LAMA4: variants seen among roughly 807,000 people sequenced by gnomAD.
LAMA4 encodes laminin subunit alpha 4.
LAMA4 carries 127 observed loss-of-function variants against 207.1 expected under a neutral mutation model. The ratio of observed to expected loss-of-function variants is 0.61; its 90% CI spans 0.53 to 0.71. LAMA4 has a LOEUF of 0.71. Among genes scored for constraint, LAMA4 ranks in the 30% least tolerant of loss-of-function variants. The probability of loss-of-function intolerance (pLI) is 0.00; values close to 1 mark genes in which losing one functional copy is unlikely to be tolerated. For missense variants in LAMA4, 2,093 were observed against 2,246.5 expected, an observed-to-expected ratio of 0.93 and a Z score of 1.38; for synonymous variants, 761 against 816.0, an observed-to-expected ratio of 0.93 and a Z score of 1.15.
At chr6:112,192,804 G>A (rs557579675) in intron 5 of LAMA4, among the ~76,000 whole-genome samples, 108 of 152,354 alleles carry the variant, frequency 7.1e-4, no homozygotes, top group African/African-American at 2.5e-3. Flanking sequence ...CAGAGGCCCT[G>A]CTGTGAGTGG....
At chr6:112,231,561 G>C (rs1785563103) in intron 2 of LAMA4, among the ~76,000 whole-genome samples, 1 of 152,162 alleles carries the variant, frequency 6.6e-6, no homozygotes, top group South Asian at 2.1e-4. Context: ...AACCTCAATA[G>C]AAGCCAGTCG....
At chr6:112,122,685 A>T (rs1778434127) in intron 31 of LAMA4, among the ~76,000 whole-genome samples, 1 of 152,224 alleles carries the variant, frequency 6.6e-6, no homozygotes, top group Non-Finnish European at 1.5e-5. Flanking sequence ...TTTTGGTGAT[A>T]GGATATGTAG....
rs953681404 is a variant in LAMA4, at chr6:112,159,049, T to C, written c.1669-169A>G. On this transcript the variant is annotated intron_variant, in intron 13 of 38. Transcript: ENST00000230538. ...AAGTATATGTCTATTTATCCCGCAT[T>C]GCCAGCTCTTTCTTCTGTATTGATT... The C allele has an allele frequency of 8.3e-6, 5 of 601,058 alleles. No individual in the cohort carries two copies. The South Asian group carries it at 1.0e-4, about 12-fold the overall frequency. 37.2% of individuals were successfully genotyped at this position (601,058 alleles called of 1,614,324 possible).
In LAMA4 at chr6:112,122,020, C is replaced by A. The variant is rs1012454549; in HGVS notation, c.4469G>T (p.Gly1490Val). 4 of 1,613,834 alleles carry A rather than the reference C, an allele frequency of 2.5e-6. No homozygotes were observed. In the East Asian group the frequency reaches 8.9e-5, roughly 36 times the overall value. Residue 1490 changes from glycine to valine, a missense_variant, in exon 32 of 39, where the codon GGT (glycine) becomes GTT (valine). Gly to Val is a moderately radical substitution (Grantham distance 109, BLOSUM62 -3). This residue lies in a region of LAMA4 where 383 missense variants were observed against 437.8 expected (regional missense o/e 0.87). Transcript: ENST00000230538. ...GTATAGTGTGTTACTTTACTTGGCACCAAAATCTCCTTTTAAGTGTTCAAA... is the reference window on the plus strand; with the variant it reads ...GTATAGTGTGTTACTTTACTTGGCAACAAAATCTCCTTTTAAGTGTTCAAA... ...QEFEHLKGDF[G>V]AKSQFSIRLR...
intron 17 of LAMA4, 150 bp downstream of exon 17, chr6:112,150,361 T>C (rs1410884807): frequency 1.6e-5 from 12 of 738,068 alleles, no homozygotes; most frequent in Non-Finnish European, 3.0e-5. Flanking sequence ...TTCTAGAACT[T>C]TTTTTTGTGA....
intron 3 of LAMA4, among the ~76,000 whole-genome samples, chr6:112,207,669 A>G (rs1554354864): frequency 6.6e-6 from 1 of 152,182 alleles, no homozygotes; most frequent in African/African-American, 2.4e-5. Context: ...CATTCTGCTC[A>G]TGGGTTGGTA....
chr6:112,233,255 T>C (rs1445630997), intron 2 of LAMA4, among the ~76,000 whole-genome samples: 1 of 152,214 alleles, frequency 6.6e-6, no homozygotes, highest in Non-Finnish European at 1.5e-5. Flanking sequence ...CTGTTTTGGA[T>C]TTCAGTATTT....
intron 11 of LAMA4, among the ~76,000 whole-genome samples, chr6:112,174,839 T>C (rs1290943065): frequency 6.6e-6 from 1 of 152,254 alleles, no homozygotes; most frequent in African/African-American, 2.4e-5. Flanking sequence ...GATCAAGTGA[T>C]AGATTCAATA....
intron 3 of LAMA4, among the ~76,000 whole-genome samples, chr6:112,208,129 G>A (rs181835485): frequency 7.2e-5 from 11 of 152,254 alleles, no homozygotes; most frequent in Admixed American, 1.3e-4. Flanking sequence ...ATTCATCAGA[G>A]TGTATAAAGG....
At position 112,170,471 on chromosome 6, in the gene LAMA4, A is replaced by T. The variant is rs142998031; in HGVS notation, c.1551+2140T>A. On this transcript the variant is annotated intron_variant, in intron 12 of 38. Transcript: ENST00000230538. ...AATGCTCTTAATCTTCTTTGGGAGT[A>T]GAATAGTGTTATCCTGCAGGCTAGG... 1.1e-3 allele frequency among the ~76,000 whole-genome samples: 164 copies of T among 152,350 alleles called. 1 individual carries two copies. The highest frequency in any genetic ancestry group is 3.7e-3 in the African/African-American group (153 of 41,588).
intron 5 of LAMA4, chr6:112,200,286 C>T (rs1044624905): frequency 2.4e-6 from 1 of 421,664 alleles, no homozygotes; most frequent in South Asian, 1.8e-5. Context: ...AAAAAAAGCT[C>T]ATCATCACTG....
At chr6:112,154,207 T>G (rs1008773695) in intron 16 of LAMA4, among the ~76,000 whole-genome samples, 2 of 152,104 alleles carry the variant, frequency 1.3e-5, no homozygotes, top group African/African-American at 4.8e-5. Flanking sequence ...CAAAATTGTC[T>G]AATGCGATTT....
chr6:112,117,804 G>C lies in LAMA4; in HGVS notation c.4916C>G (p.Pro1639Arg). The C allele has an allele frequency of 6.2e-7, 1 of 1,613,840 alleles. No homozygotes were observed. The highest frequency in any genetic ancestry group is 8.5e-7 in the Non-Finnish European group (1 of 1,179,788). Reference protein sequence around the residue: ...TSASQTFSVTPCFEGPMETGT... With the variant: ...TSASQTFSVTRCFEGPMETGT... ...TGTTTCCATGGGGCCTTCAAAGCAA[G>C]GGGTCACACTGAATGTCTGAGAAGC... The change falls in exon 35 of 39, where the codon CCT (proline) becomes CGT (arginine). Residue 1639 changes from proline (P) to arginine (R), a missense_variant. Transcript: ENST00000230538. This position sits in a 1 kb window ranked among gnomAD's most constrained non-coding sequence, Gnocchi z 4.5.
In LAMA4 at chr6:112,155,463, T is replaced by G. The variant is rs1289080473; in HGVS notation, c.1959+102A>C. ...TAGTTCCCCTGCCTTTTCCACTCTTTCTGCCATTTGGATTTCACACTGGAA... is the reference window on the plus strand; with the variant it reads ...TAGTTCCCCTGCCTTTTCCACTCTTGCTGCCATTTGGATTTCACACTGGAA... On this transcript the variant is annotated intron_variant, in intron 15 of 38. Transcript: ENST00000230538. 3 of 1,327,710 alleles carry G rather than the reference T, an allele frequency of 2.3e-6. No individual in the cohort carries two copies. The African/African-American group carries it at 4.3e-5, about 19-fold the overall frequency. 82.2% of individuals were successfully genotyped at this position (1,327,710 alleles called of 1,614,324 possible). A position where few individuals can be genotyped will look rare whatever the true frequency, so the allele number is the denominator to read the frequency against.
At chr6:112,226,282 T>G (rs1468046389) in intron 2 of LAMA4, among the ~76,000 whole-genome samples, 1 of 152,226 alleles carries the variant, frequency 6.6e-6, no homozygotes, top group Non-Finnish European at 1.5e-5. Context: ...TATGTAAAAT[T>G]CCTTAGCATG....
intron 5 of LAMA4, among the ~76,000 whole-genome samples, chr6:112,192,887 G>A (rs782226916): frequency 6.6e-6 from 1 of 152,234 alleles, no homozygotes; most frequent in Non-Finnish European, 1.5e-5. Flanking sequence ...CTAGAGCCTT[G>A]AGAGGATGAA....
chr6:112,238,506 T>G (rs563663678), intron 2 of LAMA4, among the ~76,000 whole-genome samples: 3 of 151,910 alleles, frequency 2.0e-5, no homozygotes, highest in South Asian at 4.2e-4. Context: ...GGTCAGGAGT[T>G]CGAGACCAGC....
chr6:112,230,560 G>T (rs1554364118), intron 2 of LAMA4, among the ~76,000 whole-genome samples: 2 of 152,330 alleles, frequency 1.3e-5, no homozygotes, highest in East Asian at 3.9e-4. Flanking sequence ...TAAAGGCATA[G>T]AAATTGTTCT....
intron 13 of LAMA4, among the ~76,000 whole-genome samples, chr6:112,163,034 C>T (rs372090322): frequency 3.8e-4 from 56 of 148,912 alleles, no homozygotes; most frequent in African/African-American, 1.3e-3. Flanking sequence ...TGCAGAGGCA[C>T]CATCACGGCT....
Sources: gnomAD v4.1 joint callset for allele counts (sites outside exome capture counted in the v4.1 genomes callset) on GRCh38, gnomAD v4.1.1 for gene constraint, gnomAD v4.1.1 regional missense constraint, Gnocchi (gnomAD v3.1) non-coding constraint, MANE v1.5 for transcripts, NCBI Gene and HGNC (gene_info 2026-07-23, HGNC 2026-07-21) for gene names.